Variants in PLD5 observed in about 807,000 individuals in gnomAD.
The protein encoded by PLD5 is inactive phospholipase D5.
PLD5 carries 36 observed loss-of-function variants against 61.1 expected under a neutral mutation model. The observed-to-expected ratio is 0.59, with a 90% CI of 0.45 to 0.78. The LOEUF is 0.78. Ranked by LOEUF, PLD5 falls within the 30% of genes least tolerant of loss-of-function variation. The probability of loss-of-function intolerance (pLI) is 0.00; values close to 1 mark genes in which losing one functional copy is unlikely to be tolerated. For missense variants in PLD5, 515 were observed against 644.4 expected, an observed-to-expected ratio of 0.80 and a Z score of 2.17; for synonymous variants, 243 against 242.8, an observed-to-expected ratio of 1.00 and a Z score of -0.01.
chr1:242,141,324 T>G (rs1190354634), intron 5 of PLD5, among the ~76,000 whole-genome samples: 1 of 152,128 alleles, frequency 6.6e-6, no homozygotes, highest in Non-Finnish European at 1.5e-5. Flanking sequence ...AGGCTCCCGA[T>G]GACATTTTCC....
In PLD5 at chr1:242,114,945, G is replaced by T. The variant is rs1661823506; in HGVS notation, c.934-919C>A. On this transcript the variant is annotated intron_variant, in intron 6 of 9. Transcript: ENST00000536534. ...TAATCCCAGCGCTTTGGGAGGCTGA[G>T]GTGGCCGGATCACCTGAGGTCAGGA... Among the ~76,000 whole-genome samples the T allele has an allele frequency of 3.3e-5, 5 of 152,296 alleles. No individual in the cohort carries two copies. In the South Asian group the frequency reaches 1.0e-3, roughly 32 times the overall value.
rs1017850138 is a variant in PLD5, at chr1:242,256,592, A to G, written c.607+8745T>C. On this transcript the variant is annotated intron_variant, in intron 4 of 9. Coordinates refer to ENST00000536534, the MANE Select transcript of PLD5 (RefSeq NM_001372062.1). This position sits in a 1 kb window ranked among gnomAD's most constrained non-coding sequence, Gnocchi z 5.7. ...CTGGGGGATGCAGTAACAAGGCGCC[A>G]TCTTGGAAGCACAGAGCAGCTCTCA... Among the ~76,000 whole-genome samples the G allele has an allele frequency of 1.3e-5, 2 of 152,206 alleles. No individual in the cohort carries two copies. The highest frequency in any genetic ancestry group is 4.8e-5 in the African/African-American group (2 of 41,450).
chr1:242,465,820 C>T (rs1395388791), intron 1 of PLD5, among the ~76,000 whole-genome samples: 2 of 152,168 alleles, frequency 1.3e-5, no homozygotes, highest in Non-Finnish European at 2.9e-5. Context: ...ATCCCAGCTA[C>T]TCGGGAGGCT....
rs142167310 is a variant in PLD5, at chr1:242,294,198, A to G, written c.327-5668T>C. ...TATATAGGAATGCAATACAACAAAA[A>G]TATTTTTATACTTCTTTTCTTGATA... is the stretch of plus-strand genomic sequence containing the variant. On this transcript the variant is annotated intron_variant, in intron 2 of 9. Coordinates refer to ENST00000536534, the MANE Select transcript of PLD5 (RefSeq NM_001372062.1). Among the ~76,000 whole-genome samples the G allele has an allele frequency of 7.9e-3, 1,199 of 152,328 alleles. 21 individuals carry two copies. Among genetic ancestry groups the G allele is most frequent in the African/African-American group, 0.028 (1,152 of 41,568 alleles).
chr1:242,411,650 T>C (rs1664565795), intron 1 of PLD5, among the ~76,000 whole-genome samples: 1 of 152,208 alleles, frequency 6.6e-6, no homozygotes. Flanking sequence ...TTTTGACCAT[T>C]TGCAATGTTT....
chr1:242,463,703 A>G (rs753805779), intron 1 of PLD5, among the ~76,000 whole-genome samples: 10 of 151,882 alleles, frequency 6.6e-5, no homozygotes, highest in Non-Finnish European at 7.4e-5. Flanking sequence ...CAGTGCCTCT[A>G]CTTATACCCG....
chr1:242,374,300 G>A (rs1030932892), intron 1 of PLD5, among the ~76,000 whole-genome samples: 1 of 152,176 alleles, frequency 6.6e-6, no homozygotes, highest in South Asian at 2.1e-4. Flanking sequence ...CGGTAGGCAT[G>A]GTTTACATAT....
At chr1:242,299,197 TG>T (rs1675891288) in intron 2 of PLD5, among the ~76,000 whole-genome samples, 1 of 152,220 alleles carries the variant, frequency 6.6e-6, no homozygotes, top group South Asian at 2.1e-4. Context: ...TGAGATGTAT[TG>T]ATACAGGCAT....
intron 1 of PLD5, among the ~76,000 whole-genome samples, chr1:242,515,812 T>C (rs530283043): frequency 1.3e-4 from 20 of 152,278 alleles, no homozygotes; most frequent in African/African-American, 4.8e-4. Flanking sequence ...GATATATACA[T>C]AGAATTTAAA....
intron 1 of PLD5, among the ~76,000 whole-genome samples, chr1:242,353,350 G>T (rs1660580410): frequency 6.6e-6 from 1 of 152,024 alleles, no homozygotes; most frequent in Admixed American, 6.6e-5. Flanking sequence ...TAATTTCTGT[G>T]CTCTCTCTTC....
chr1:242,139,595 C>G (rs1256685598), intron 5 of PLD5, among the ~76,000 whole-genome samples: 1 of 152,146 alleles, frequency 6.6e-6, no homozygotes, highest in Non-Finnish European at 1.5e-5. Context: ...CCACATCTGA[C>G]TTCCTGCACA....
intron 9 of PLD5, among the ~76,000 whole-genome samples, chr1:242,096,441 AAGCGATTCCCCTGCCTCAGCCTCCCTAGT>A (rs1660234455): frequency 6.6e-6 from 1 of 151,862 alleles, no homozygotes. Flanking sequence ...TCCTGGACTC[AAGCGATTCCCCTGCCTCAGCCTCCCTAGT>A]AGCTGGGATT....
At chr1:242,424,036 A>G (rs1031748169) in intron 1 of PLD5, among the ~76,000 whole-genome samples, 4 of 152,214 alleles carry the variant, frequency 2.6e-5, no homozygotes, top group East Asian at 1.9e-4. Flanking sequence ...GAAATAATCA[A>G]TAATAACAGT....
intron 5 of PLD5, among the ~76,000 whole-genome samples, chr1:242,179,447 T>C (rs1257674104): frequency 6.6e-6 from 1 of 152,154 alleles, no homozygotes; most frequent in Non-Finnish European, 1.5e-5. Flanking sequence ...CTCGATTTCT[T>C]CCCACCCCTA....
At chr1:242,093,068 C>T (rs537551424) in intron 9 of PLD5, among the ~76,000 whole-genome samples, 6 of 152,078 alleles carry the variant, frequency 3.9e-5, no homozygotes, top group Non-Finnish European at 8.8e-5. Flanking sequence ...TAGCTTTGGA[C>T]GAATTTATTT....
chr1:242,484,061 T>C (rs537462397), intron 1 of PLD5, among the ~76,000 whole-genome samples: 2 of 152,274 alleles, frequency 1.3e-5, no homozygotes, highest in South Asian at 2.1e-4. Flanking sequence ...TTCAAAGCCA[T>C]GTGTAGAGGG....
At chr1:242,457,811 C>G (rs1223218097) in intron 1 of PLD5, among the ~76,000 whole-genome samples, 1 of 152,200 alleles carries the variant, frequency 6.6e-6, no homozygotes, top group African/African-American at 2.4e-5. Flanking sequence ...TGTCACTCCA[C>G]AGACTGTTAA....
chr1:242,468,955 C>T (rs1667359284), intron 1 of PLD5, among the ~76,000 whole-genome samples: 1 of 152,098 alleles, frequency 6.6e-6, no homozygotes. Flanking sequence ...AAAATAACTT[C>T]CTCAAGAGCA....
At chr1:242,469,153 G>A (rs1197873754) in intron 1 of PLD5, among the ~76,000 whole-genome samples, 2 of 152,182 alleles carry the variant, frequency 1.3e-5, no homozygotes, top group Admixed American at 6.5e-5. Flanking sequence ...AAAAATATAT[G>A]CATCAGCGTA....
Sources: allele counts gnomAD v4.1 joint callset (sites outside exome capture counted in the v4.1 genomes callset), GRCh38; gene constraint gnomAD v4.1.1; non-coding constraint Gnocchi (gnomAD v3.1); transcripts MANE v1.5; gene names NCBI Gene and HGNC (gene_info 2026-07-23, HGNC 2026-07-21).